The following ZFR variants were observed in gnomAD, a reference collection of about 807,000 sequenced individuals.
ZFR encodes the protein zinc finger RNA-binding protein.
A neutral mutation model predicts 130.7 loss-of-function variants in ZFR; 19 were observed. That is an observed-to-expected ratio of 0.15 (90% CI 0.10 to 0.21). The LOEUF (loss-of-function observed/expected upper bound fraction) is 0.21, where lower values mean the gene tolerates loss of function less well. Ranked by LOEUF, ZFR falls within the 10% of genes least tolerant of loss-of-function variation. The pLI is 1.00. For missense variants in ZFR, 872 were observed against 1,321.5 expected (o/e 0.66, Z 5.27); for synonymous variants, 466 against 456.9 (o/e 1.02, Z -0.25).
chr5:32,434,614 C>A (rs958044977), intron 2 of ZFR, among the ~76,000 whole-genome samples: 1 of 152,140 alleles, frequency 6.6e-6, no homozygotes, highest in Non-Finnish European at 1.5e-5. Context: ...TTCCATTTTC[C>A]AATTATATTA....
rs762968143 is a variant in ZFR, at chr5:32,417,559, G to T, written c.565+89C>A. On this transcript the variant is annotated intron_variant, in intron 4 of 19. Transcript: ENST00000265069. ...CCTAAGATGATGTGATATGAGTTTA[G>T]ATGGACTCAAAAGCTTATCTTCATT... is the stretch of plus-strand genomic sequence containing the variant. 2.7e-4 allele frequency: 418 copies of T among 1,530,110 alleles called. 1 individual carries two copies. Among genetic ancestry groups the T allele is most frequent in the Non-Finnish European group, 3.4e-4 (386 of 1,124,112 alleles). 94.8% of individuals were successfully genotyped at this position (1,530,110 alleles called of 1,614,324 possible). A position where few individuals can be genotyped will look rare whatever the true frequency, so the allele number is the denominator to read the frequency against.
chr5:32,395,794 A>G (rs921653981), intron 10 of ZFR, among the ~76,000 whole-genome samples: 1 of 152,114 alleles, frequency 6.6e-6, no homozygotes. Flanking sequence ...TTTTCTCAAT[A>G]ATATTTTCTC....
chr5:32,425,146 G>C (rs1231009857), intron 2 of ZFR, among the ~76,000 whole-genome samples: 2 of 152,204 alleles, frequency 1.3e-5, no homozygotes, highest in Non-Finnish European at 2.9e-5. Context: ...AATAGCAAAA[G>C]AGGAATACTA....
chr5:32,415,865 T>A (rs546704771), intron 4 of ZFR, among the ~76,000 whole-genome samples: 1 of 152,204 alleles, frequency 6.6e-6, no homozygotes, highest in Admixed American at 6.5e-5. Context: ...TAATCACTTG[T>A]AAATGATCAC....
chr5:32,398,018 C>T (rs1436628098), intron 9 of ZFR, among the ~76,000 whole-genome samples: 1 of 151,652 alleles, frequency 6.6e-6, no homozygotes, highest in Non-Finnish European at 1.5e-5. Context: ...CCACCACGCC[C>T]AGCTAATTTT....
chr5:32,358,501 A>G (rs1752361508), intron 19 of ZFR, among the ~76,000 whole-genome samples: 1 of 152,236 alleles, frequency 6.6e-6, no homozygotes, highest in Non-Finnish European at 1.5e-5. Flanking sequence ...TCTACTAAAA[A>G]TACAAAAAAT....
At position 32,355,650 on chromosome 5, in the gene ZFR, G is replaced by A. The variant is rs1487218876; in HGVS notation, c.*110C>T. On this transcript the variant is annotated 3_prime_UTR_variant, in exon 20 of 20. Coordinates refer to ENST00000265069, the MANE Select transcript of ZFR (RefSeq NM_016107.5). ...TCATAGAAAAACTTGGTTCTTCCAT[G>A]AAATCCTTTAAATTCTTGATAAATT... 1 of 1,074,208 alleles carries A rather than the reference G, an allele frequency of 9.3e-7. No homozygotes were observed. The highest frequency in any genetic ancestry group is 1.3e-6 in the Non-Finnish European group (1 of 777,776). The allele number at this position is 1,074,208 out of a possible 1,614,324, so 66.5% of individuals were successfully genotyped here. A position where few individuals can be genotyped will look rare whatever the true frequency, so the allele number is the denominator to read the frequency against.
chr5:32,379,599 C>CCTT, intron 16 of ZFR: 1 of 236,850 alleles, frequency 4.2e-6, no homozygotes, highest in Non-Finnish European at 8.3e-6. Context: ...CCCTTCTGTG[C>CCTT]CTTTGCATGA....
At position 32,385,558 on chromosome 5, in the gene ZFR, G is replaced by C. The variant is rs760378314; in HGVS notation, c.2591C>G (p.Thr864Ser). The C allele has an allele frequency of 6.8e-6, 11 of 1,613,390 alleles. No individual in the cohort carries two copies. In the Admixed American group the frequency reaches 1.0e-4, roughly 15 times the overall value. Reference sequence around the variant, plus strand: ...AATAATTGGAGATGTCAGTGTGATAGTGACTTGCATTTTGGGTTCCACACA... The same window carrying C: ...AATAATTGGAGATGTCAGTGTGATACTGACTTGCATTTTGGGTTCCACACA... ...NSCVEPKMQV[T>S]ITLTSPIIRE... Residue 864 changes from threonine to serine, a missense_variant, in exon 15 of 20, where the codon ACT becomes AGT. By Grantham distance (58) the Thr-to-Ser change is moderately conservative. Coordinates refer to ENST00000265069, the MANE Select transcript of ZFR (RefSeq NM_016107.5).
At chr5:32,408,569 T>C (rs1454266233) in intron 5 of ZFR, among the ~76,000 whole-genome samples, 6 of 152,218 alleles carry the variant, frequency 3.9e-5, no homozygotes, top group African/African-American at 1.4e-4. Context: ...GACAATTTTA[T>C]GGCATTTCTC....
At chr5:32,402,807 C>A (rs1005517485) in intron 8 of ZFR, among the ~76,000 whole-genome samples, 11 of 149,916 alleles carry the variant, frequency 7.3e-5, no homozygotes, top group East Asian at 1.9e-4. Context: ...ACAAAAAAAA[C>A]CAATCAGGTT....
intron 14 of ZFR, among the ~76,000 whole-genome samples, chr5:32,386,689 T>C (rs2111726825): frequency 6.6e-6 from 1 of 152,224 alleles, no homozygotes; most frequent in Middle Eastern, 3.4e-3. Context: ...TCTGGAATAA[T>C]GGTAATATAA....
At chr5:32,372,079 G>C (rs1752678487) in intron 17 of ZFR, among the ~76,000 whole-genome samples, 1 of 152,164 alleles carries the variant, frequency 6.6e-6, no homozygotes, top group South Asian at 2.1e-4. Context: ...CATTTGGAGT[G>C]CCATAGTATA....
At chr5:32,380,328 A>G (rs1752906624) in intron 15 of ZFR, 156 bp from the exon 16 acceptor site, 4 of 516,038 alleles carry the variant, frequency 7.8e-6, no homozygotes, top group Non-Finnish European at 1.4e-5. Context: ...AAATTTACAT[A>G]ATCCAATATG....
At chr5:32,395,606 A>G (rs1408277325) in intron 10 of ZFR, among the ~76,000 whole-genome samples, 2 of 152,186 alleles carry the variant, frequency 1.3e-5, no homozygotes, top group African/African-American at 2.4e-5. Flanking sequence ...GGTTTGAAGT[A>G]TATGAATACA....
chr5:32,440,460 C>T (rs1408770543), intron 2 of ZFR, among the ~76,000 whole-genome samples: 1 of 152,056 alleles, frequency 6.6e-6, no homozygotes, highest in Non-Finnish European at 1.5e-5. Flanking sequence ...CCAGCCTGGC[C>T]AACATGGTGA....
chr5:32,437,306 G>A (rs1754361310), intron 2 of ZFR, among the ~76,000 whole-genome samples: 1 of 152,084 alleles, frequency 6.6e-6, no homozygotes. Context: ...CCTGAAAGCA[G>A]GGACTATGCA....
At position 32,355,244 on chromosome 5, in the gene ZFR, A is replaced by G. The variant is rs1180245691; in HGVS notation, c.*516T>C. The G allele has an allele frequency of 6.6e-5, 10 of 152,250 alleles. No individual in the cohort carries two copies. The highest frequency in any genetic ancestry group is 3.9e-4 in the Admixed American group (6 of 15,280). The allele number at this position is 152,250 out of a possible 1,614,324, so 9.4% of individuals were successfully genotyped here. A position where few individuals can be genotyped will look rare whatever the true frequency, so the allele number is the denominator to read the frequency against. ...AACTTTTTGTGTTGTAATCCTTCAC[A>G]TATAGAAAAACAAACTCTGCAGTCT... On this transcript the variant is annotated 3_prime_UTR_variant, in exon 20 of 20. Coordinates refer to ENST00000265069, the MANE Select transcript of ZFR (RefSeq NM_016107.5).
chr5:32,374,643 C>G (rs944444343), intron 17 of ZFR, among the ~76,000 whole-genome samples: 2 of 151,912 alleles, frequency 1.3e-5, no homozygotes, highest in South Asian at 4.1e-4. Flanking sequence ...TATTATTTTG[C>G]TCCCATCTGG....
Sources: allele counts gnomAD v4.1 joint callset (sites outside exome capture counted in the v4.1 genomes callset), GRCh38; gene constraint gnomAD v4.1.1; transcripts MANE v1.5; gene names NCBI Gene and HGNC (gene_info 2026-07-23, HGNC 2026-07-21).